SELENOI: variants seen among roughly 807,000 people sequenced by gnomAD.
The protein encoded by SELENOI is selenoprotein I.
A neutral mutation model predicts 50.7 loss-of-function variants in SELENOI; 24 were observed. The observed-to-expected ratio is 0.47, with a 90% CI of 0.34 to 0.67. The LOEUF is 0.67. Ranked by LOEUF, SELENOI falls within the 30% of genes least tolerant of loss-of-function variation. The pLI, the probability that SELENOI is intolerant of heterozygous loss-of-function variation, is 0.01. For missense variants in SELENOI, 352 were observed against 461.4 expected (o/e 0.76, Z 2.17); for synonymous variants, 155 against 170.2 (o/e 0.91, Z 0.70).
chr2:26,382,868 A>G (rs1677737413), intron 6 of SELENOI, among the ~76,000 whole-genome samples: 1 of 152,192 alleles, frequency 6.6e-6, no homozygotes, highest in African/African-American at 2.4e-5. Context: ...ATGTGAAGCA[A>G]CAGGATTCCC....
intron 7 of SELENOI, 56 bp downstream of exon 7, chr2:26,383,403 A>G (rs1287760789): frequency 2.4e-6 from 3 of 1,226,050 alleles, no homozygotes; most frequent in Admixed American, 4.4e-5. Flanking sequence ...AGCAGTTGTT[A>G]GCTGAACTTA....
intron 9 of SELENOI, among the ~76,000 whole-genome samples, chr2:26,388,178 T>C (rs950578195): frequency 3.9e-5 from 6 of 152,232 alleles, no homozygotes; most frequent in Non-Finnish European, 7.3e-5. Flanking sequence ...GCCTTTATCC[T>C]GATATTTCAT....
At position 26,391,993 on chromosome 2, in the gene SELENOI, T is replaced by C. The variant is rs1172707754; in HGVS notation, c.*2890T>C. The C allele has an allele frequency of 6.6e-6, 1 of 152,238 alleles. No homozygotes were observed. Among genetic ancestry groups the C allele is most frequent in the Non-Finnish European group, 1.5e-5 (1 of 68,040 alleles). The allele number at this position is 152,238 out of a possible 1,614,324, so 9.4% of individuals were successfully genotyped here. On this transcript the variant is annotated 3_prime_UTR_variant, in exon 10 of 10. Transcript: ENST00000260585. Reference sequence around the variant, plus strand: ...CAAATAAAAAGCTAAATATTCCTCCTTGTCATTTTAATGTCATTATTGAAA... The same window carrying C: ...CAAATAAAAAGCTAAATATTCCTCCCTGTCATTTTAATGTCATTATTGAAA...
intron 6 of SELENOI, among the ~76,000 whole-genome samples, chr2:26,382,438 C>T (rs566899852): frequency 6.6e-6 from 1 of 152,246 alleles, no homozygotes; most frequent in South Asian, 2.1e-4. Context: ...AATGAAAAAA[C>T]GATACTGAAT....
At chr2:26,379,429 A>T (rs34054835) in intron 6 of SELENOI, among the ~76,000 whole-genome samples, 7,266 of 151,934 alleles carry the variant, frequency 0.048, 293 homozygotes, top group Non-Finnish European at 0.064. Flanking sequence ...TCTGCCCCTC[A>T]CTTTTCCTAT....
At chr2:26,362,301 C>G (rs975365197) in intron 1 of SELENOI, among the ~76,000 whole-genome samples, 1 of 152,178 alleles carries the variant, frequency 6.6e-6, no homozygotes, top group African/African-American at 2.4e-5. Flanking sequence ...GATCTCCTGA[C>G]CTCGTGATCC....
intron 1 of SELENOI, among the ~76,000 whole-genome samples, chr2:26,347,232 C>G (rs1335013797): frequency 2.6e-5 from 4 of 152,164 alleles, no homozygotes; most frequent in African/African-American, 9.7e-5. Context: ...GCCCCTTTCC[C>G]CCTTAAATGT....
chr2:26,353,902 C>T (rs1302778314), intron 1 of SELENOI, among the ~76,000 whole-genome samples: 7 of 152,044 alleles, frequency 4.6e-5, no homozygotes, highest in African/African-American at 1.5e-4. Context: ...CTACTGCATA[C>T]GGGAAACTCG....
intron 1 of SELENOI, among the ~76,000 whole-genome samples, chr2:26,361,382 C>T (rs1010202723): frequency 1.3e-5 from 2 of 152,314 alleles, no homozygotes; most frequent in African/African-American, 2.4e-5. Context: ...AAAGTTTAGG[C>T]ACAGTGAGTG....
At chr2:26,373,234 ACC>A in intron 4 of SELENOI, 131 bp from the exon 5 acceptor site, 1 of 1,073,570 alleles carries the variant, frequency 9.3e-7, no homozygotes, top group Non-Finnish European at 1.3e-6. Context: ...TTTTTATAGT[ACC>A]AGCTGATAGC....
chr2:26,366,714 C>A (rs182725477), intron 3 of SELENOI, among the ~76,000 whole-genome samples: 1 of 152,192 alleles, frequency 6.6e-6, no homozygotes, highest in East Asian at 1.9e-4. Context: ...TCTATCTATA[C>A]CCAAATCAAA....
intron 1 of SELENOI, among the ~76,000 whole-genome samples, chr2:26,362,799 G>C (rs572511855): frequency 1.4e-4 from 21 of 152,142 alleles, no homozygotes; most frequent in African/African-American, 4.3e-4. Context: ...CGTGTGACTA[G>C]TATAATATGT....
intron 3 of SELENOI, among the ~76,000 whole-genome samples, chr2:26,366,609 G>T (rs1361852625): frequency 1.3e-5 from 2 of 152,146 alleles, no homozygotes; most frequent in Non-Finnish European, 2.9e-5. Flanking sequence ...CTAGACCCTA[G>T]ACTTTCTGAT....
At chr2:26,388,283 A>G (rs924225823) in intron 9 of SELENOI, among the ~76,000 whole-genome samples, 3 of 152,354 alleles carry the variant, frequency 2.0e-5, no homozygotes, top group Middle Eastern at 3.4e-3. Flanking sequence ...TTAGAAAGCT[A>G]CATACATACC....
chr2:26,386,589 A>G (rs1677849329), intron 9 of SELENOI, 53 bp downstream of exon 9: 2 of 1,420,122 alleles, frequency 1.4e-6, no homozygotes, highest in African/African-American at 2.9e-5. Flanking sequence ...AATGGCACCA[A>G]TAAATGCCTC....
chr2:26,367,258 G>A (rs751689950), intron 4 of SELENOI, 38 bp downstream of exon 4: 3 of 1,494,156 alleles, frequency 2.0e-6, no homozygotes, highest in East Asian at 4.7e-5. Flanking sequence ...GTCAGTGACT[G>A]GTGAATCAGC....
At chr2:26,354,562 T>G (rs890780418) in intron 1 of SELENOI, among the ~76,000 whole-genome samples, 82 of 143,348 alleles carry the variant, frequency 5.7e-4, no homozygotes, top group African/African-American at 2.1e-3. Context: ...AATTTTTTGT[T>G]TTTTTTTTTT....
Position 26,395,018 on chromosome 2 carries a change from A to G in SELENOI, c.*5915A>G, listed in dbSNP as rs1678058335. ...AGCAGAATATTTTGGGGAGAGGAAG[A>G]GTAGTTTAATTCAAGTAGTTTAATT... On this transcript the variant is annotated 3_prime_UTR_variant, in exon 10 of 10. Transcript: ENST00000260585. 6.6e-6 allele frequency: 1 copy of G among 152,244 alleles called. No homozygotes were observed. The highest frequency in any genetic ancestry group is 2.4e-5 in the African/African-American group (1 of 41,460). The allele number at this position is 152,244 out of a possible 1,614,324, so 9.4% of individuals were successfully genotyped here. A position where few individuals can be genotyped will look rare whatever the true frequency, so the allele number is the denominator to read the frequency against.
chr2:26,383,359 AT>A lies in SELENOI; in HGVS notation c.731+18del, dbSNP rs1558421891. The stretch of plus-strand genomic sequence containing the variant: ...TTAAACTTTTTCAGGTAAGTATTTT[AT>A]TTTTTAAATGGGCAAGAAATATGAA... On this transcript the variant is annotated intron_variant, in intron 7 of 9. Transcript: ENST00000260585. The A allele has an allele frequency of 6.6e-7, 1 of 1,507,038 alleles. No homozygotes were observed. Among genetic ancestry groups the A allele is most frequent in the Non-Finnish European group, 9.0e-7 (1 of 1,111,024 alleles). The allele number at this position is 1,507,038 out of a possible 1,614,324, so 93.4% of individuals were successfully genotyped here.
Sources: allele counts gnomAD v4.1 joint callset (sites outside exome capture counted in the v4.1 genomes callset), GRCh38; gene constraint gnomAD v4.1.1; transcripts MANE v1.5; gene names NCBI Gene and HGNC (gene_info 2026-07-23, HGNC 2026-07-21).